Variants in COQ8A observed in about 807,000 individuals in gnomAD.
The protein encoded by COQ8A is atypical kinase COQ8A, mitochondrial.
Under a neutral mutation model 65.0 loss-of-function variants are expected in COQ8A, and 51 were observed. The observed-to-expected ratio is 0.78, with a 90% CI of 0.63 to 0.99. COQ8A has a LOEUF of 0.99. Ranked by LOEUF, COQ8A falls within the 50% of genes least tolerant of loss-of-function variation. COQ8A has a pLI of 0.00. For synonymous variants in COQ8A, 371 were observed against 353.2 expected, an observed-to-expected ratio of 1.05 and a Z score of -0.57; for missense variants, 940 against 875.0, an observed-to-expected ratio of 1.07 and a Z score of -0.94.
At chr1:226,961,351 C>T in intron 1 of COQ8A, 26 bp from the exon 2 acceptor site, 4 of 1,612,936 alleles carry the variant, frequency 2.5e-6, no homozygotes, top group Non-Finnish European at 3.4e-6. Flanking sequence ...CTGGGGCCTC[C>T]CCTGACTTGG....
At chr1:226,956,270 ACT>A (rs1392966622) in intron 1 of COQ8A, among the ~76,000 whole-genome samples, 1 of 62,530 alleles carries the variant, frequency 1.6e-5, no homozygotes, top group Non-Finnish European at 2.9e-5. Flanking sequence ...CCTGGTTCAC[ACT>A]CTCCCTGGCT....
rs139305619 is a variant in COQ8A at position 226,986,503 on chromosome 1, C to T, written c.1710C>T (p.Phe570=). The change falls in exon 15 of 15, where the codon TTC becomes TTT. Residue 570 remains phenylalanine (F), a synonymous_variant. Coordinates refer to ENST00000366777, the MANE Select transcript of COQ8A (RefSeq NM_020247.5). ...CCATCCTCATCCTGGGGGAGGCCTT[C>T]GCCTCTGATGAGCCTTTTGATTTTG... is the stretch of plus-strand genomic sequence containing the variant. ...LDAILILGEA[F]ASDEPFDFGT... 91 of 1,613,510 alleles carry T rather than the reference C, an allele frequency of 5.6e-5. No individual in the cohort carries two copies. The highest frequency in any genetic ancestry group is 2.9e-4 in the African/African-American group (22 of 74,866).
chr1:226,978,410 G>A (rs1478301857), intron 5 of COQ8A, among the ~76,000 whole-genome samples: 4 of 70,618 alleles, frequency 5.7e-5, no homozygotes, highest in African/African-American at 5.8e-5. Context: ...CGCACACCTT[G>A]CACACCCTCC....
At chr1:226,944,547 G>A (rs766216181) in intron 1 of COQ8A, among the ~76,000 whole-genome samples, 2 of 151,842 alleles carry the variant, frequency 1.3e-5, no homozygotes, top group African/African-American at 4.8e-5. Flanking sequence ...AAGAATGTGC[G>A]GGCCCTCCTA....
rs1038414369 is a variant in COQ8A, at chr1:226,972,342, G to T, written c.656-5107G>T. On this transcript the variant is annotated intron_variant, in intron 4 of 14. Coordinates refer to ENST00000366777, the MANE Select transcript of COQ8A (RefSeq NM_020247.5). This position sits in a 1 kb window ranked among gnomAD's most constrained non-coding sequence, Gnocchi z 4.3. ...CAATAATATTATTTGATTCTGTGTA[G>T]AAAGGATTTTGAAATTTGACCTGTG... Among the ~76,000 whole-genome samples the T allele has an allele frequency of 6.6e-5, 10 of 152,176 alleles. No individual in the cohort carries two copies. Among genetic ancestry groups the T allele is most frequent in the African/African-American group, 2.4e-4 (10 of 41,430 alleles).
intron 1 of COQ8A, among the ~76,000 whole-genome samples, chr1:226,944,771 GAGAGAGTGAGAGA>G (rs1302719184): frequency 3.5e-5 from 4 of 113,394 alleles, no homozygotes; most frequent in Non-Finnish European, 7.6e-5. Context: ...GAGTGAGAGA[GAGAGAGTGAGAGA>G]GAGAGAGTGT....
intron 1 of COQ8A, among the ~76,000 whole-genome samples, chr1:226,959,297 T>G (rs930997960): frequency 6.6e-6 from 1 of 152,120 alleles, no homozygotes; most frequent in Non-Finnish European, 1.5e-5. Flanking sequence ...TAATTCCAGC[T>G]GCTTGAGAGC....
intron 1 of COQ8A, among the ~76,000 whole-genome samples, chr1:226,942,185 A>C (rs370126169): frequency 1.3e-5 from 2 of 152,234 alleles, no homozygotes; most frequent in East Asian, 3.9e-4. Context: ...AACTCTAAAA[A>C]GAGTTGTCCT....
chr1:226,982,574 G>C lies in COQ8A; in HGVS notation c.854-104G>C, dbSNP rs868801399. ...TTCTGGCCTCACCCGTGCTCCTGGT[G>C]GGGAGGGTGTGGTGGCCAGGGCATC... On this transcript the variant is annotated intron_variant, in intron 6 of 14. Transcript: ENST00000366777. The C allele has an allele frequency of 5.7e-6, 7 of 1,228,520 alleles. No individual in the cohort carries two copies. The Middle Eastern group carries it at 8.0e-4, about 140-fold the overall frequency. 76.1% of individuals were successfully genotyped at this position (1,228,520 alleles called of 1,614,324 possible).
chr1:226,980,986 AT>A (rs1277850214), intron 5 of COQ8A, among the ~76,000 whole-genome samples: 1 of 152,220 alleles, frequency 6.6e-6, no homozygotes, highest in Non-Finnish European at 1.5e-5. Flanking sequence ...GCCTGAAGTG[AT>A]TTGAACTGAG....
chr1:226,963,413 C>T (rs955741777), intron 2 of COQ8A, among the ~76,000 whole-genome samples: 2 of 151,664 alleles, frequency 1.3e-5, no homozygotes, highest in Admixed American at 6.6e-5. Flanking sequence ...TTACTGAGTC[C>T]GGGTCCCTTC....
chr1:226,986,682 AG>A lies in COQ8A; in HGVS notation c.1891del (p.Ala631ProfsTer40), dbSNP rs1660140916. 1 of 1,614,116 alleles carries A rather than the reference AG, an allele frequency of 6.2e-7. No homozygotes were observed. The highest frequency in any genetic ancestry group is 8.5e-7 in the Non-Finnish European group (1 of 1,180,040). ...AAGCTGAAGGCCCGCTTCCCCTGCA[AG>A]GCCATGTTCGAGGAGGCCTACAGCA... ...CSKLKARFPC[K>X]AMFEEAYSNY... On this transcript the variant is annotated frameshift_variant, in exon 15 of 15. Transcript: ENST00000366777. LOFTEE classifies it high-confidence loss of function.
intron 1 of COQ8A, among the ~76,000 whole-genome samples, chr1:226,960,005 G>A (rs1658054987): frequency 6.6e-6 from 1 of 152,298 alleles, no homozygotes; most frequent in South Asian, 2.1e-4. Flanking sequence ...GTGCTTGGTG[G>A]TGGTGTTGGT....
At chr1:226,980,550 G>C (rs1417583510) in intron 5 of COQ8A, among the ~76,000 whole-genome samples, 1 of 152,062 alleles carries the variant, frequency 6.6e-6, no homozygotes, top group Non-Finnish European at 1.5e-5. Context: ...AGGGGACATT[G>C]ACTGCCTTTC....
In COQ8A at chr1:226,986,730, A is replaced by T. The variant is rs761128817; in HGVS notation, c.1937A>T (p.Gln646Leu). 1.1e-5 allele frequency: 18 copies of T among 1,612,990 alleles called. No individual in the cohort carries two copies. Among genetic ancestry groups the T allele is most frequent in the Non-Finnish European group, 1.5e-5 (18 of 1,180,014 alleles). Residue 646 changes from glutamine to leucine, a missense_variant, in exon 15 of 15, where the codon CAG becomes CTG. Transcript: ENST00000366777. Reference sequence around the variant, plus strand: ...AGCAACTACTGCAAGAGGCAGGCCCAGCAGTAGGGCTGCGGGCCACGCCCA... The same window carrying T: ...AGCAACTACTGCAAGAGGCAGGCCCTGCAGTAGGGCTGCGGGCCACGCCCA... The part of the protein sequence containing the change: ...AYSNYCKRQA[Q>L]Q
At chr1:226,976,557 A>C (rs1659249406) in intron 4 of COQ8A, among the ~76,000 whole-genome samples, 1 of 151,946 alleles carries the variant, frequency 6.6e-6, no homozygotes, top group African/African-American at 2.4e-5. Context: ...GGTGCTCTTC[A>C]CCCTCTTTCT....
chr1:226,942,334 CAA>C (rs1175158882), intron 1 of COQ8A, among the ~76,000 whole-genome samples: 1 of 151,810 alleles, frequency 6.6e-6, no homozygotes, highest in African/African-American at 2.4e-5. Context: ...AGGGCAGAGG[CAA>C]AACCTGCAAG....
intron 14 of COQ8A, among the ~76,000 whole-genome samples, chr1:226,985,675 C>T (rs1021596770): frequency 1.3e-5 from 2 of 152,194 alleles, no homozygotes; most frequent in African/African-American, 4.8e-5. Context: ...ATCGAGCCTC[C>T]CTGGGGGGAG....
At position 226,984,614 on chromosome 1, in the gene COQ8A, C is replaced by T; in HGVS notation, c.1465C>T (p.Pro489Ser). The T allele has an allele frequency of 1.2e-6, 2 of 1,614,154 alleles. No individual in the cohort carries two copies. The highest frequency in any genetic ancestry group is 1.7e-6 in the Non-Finnish European group (2 of 1,180,008). ...LFEFHFMQTD[P>S]NWSNFFYDPQ... The stretch of plus-strand genomic sequence containing the variant: ...CGAGTTCCACTTCATGCAAACAGAC[C>T]CCAACTGGTCCAACTTCTTCTATGA... Residue 489 changes from proline (P) to serine (S), a missense_variant, in exon 12 of 15, where the codon CCC becomes TCC. Coordinates refer to ENST00000366777, the MANE Select transcript of COQ8A (RefSeq NM_020247.5).
Sources: allele counts gnomAD v4.1 joint callset (sites outside exome capture counted in the v4.1 genomes callset), GRCh38; gene constraint gnomAD v4.1.1; non-coding constraint Gnocchi (gnomAD v3.1); transcripts MANE v1.5; gene names NCBI Gene and HGNC (gene_info 2026-07-23, HGNC 2026-07-21).